ZNF519: variants seen among roughly 807,000 people sequenced by gnomAD.
ZNF519 encodes the protein zinc finger protein 519, also known as similar to Zinc finger protein 85 (Zinc finger protein HPF4) (HTF1).
ZNF519 carries 7 observed loss-of-function variants against 7.4 expected under a neutral mutation model. The observed-to-expected ratio is 0.94, with a 90% CI of 0.54 to 1.77. The LOEUF (loss-of-function observed/expected upper bound fraction) is 1.77. Ranked by LOEUF, ZNF519 falls within the 40% of genes most tolerant of loss-of-function variation. The pLI is 0.00. For missense variants in ZNF519, 586 were observed against 623.1 expected (o/e 0.94, Z 0.63); for synonymous variants, 179 against 203.3 (o/e 0.88, Z 1.02).
chr18:14,077,764 C>T (rs1216549483), intron 4 of ZNF519, among the ~76,000 whole-genome samples: 6 of 152,138 alleles, frequency 3.9e-5, no homozygotes, highest in African/African-American at 1.4e-4. Flanking sequence ...GTGTGTCTTA[C>T]TGGATTCTAT....
At chr18:14,085,035 C>A (rs1289353443) in exon 3 of ZNF519, 1 of 152,112 alleles carries the variant, frequency 6.6e-6, no homozygotes, top group African/African-American at 2.4e-5. Flanking sequence ...CCATCCCTGA[C>A]AATGTCCATA....
intron 2 of ZNF519, chr18:14,090,485 A>C (rs2046110015): frequency 6.6e-6 from 1 of 152,244 alleles, no homozygotes. Context: ...AGCTCATAGG[A>C]ATCACCCCAT....
chr18:14,090,377 AGTTTTCTTGG>A (rs1217305047), intron 2 of ZNF519: 1 of 152,218 alleles, frequency 6.6e-6, no homozygotes, highest in Non-Finnish European at 1.5e-5. Flanking sequence ...TGGAAGAATC[AGTTTTCTTGG>A]TTCAAGAAAT....
chr18:14,120,955 T>C (rs76791167), intron 2 of ZNF519, among the ~76,000 whole-genome samples: 6,006 of 152,088 alleles, frequency 0.039, 154 homozygotes, highest in East Asian at 0.13. Flanking sequence ...AGACAAAATA[T>C]GGTGTGTGTG....
rs1281993232 is a variant in ZNF519 at position 14,104,260 on chromosome 18, T to G, written c.*657A>C. The G allele has an allele frequency of 6.6e-6, 1 of 152,180 alleles. No individual in the cohort carries two copies. The highest frequency in any genetic ancestry group is 1.5e-5 in the Non-Finnish European group (1 of 68,020). The allele number at this position is 152,180 out of a possible 1,614,324, so 9.4% of individuals were successfully genotyped here. A position where few individuals can be genotyped will look rare whatever the true frequency, so the allele number is the denominator to read the frequency against. On this transcript the variant is annotated 3_prime_UTR_variant, in exon 3 of 3. Transcript: ENST00000590202. ...AACTATTCATATCTAAAACTCAGAG[T>G]GTTTCTGTCTCACACTTTAATGCAG... is the stretch of plus-strand genomic sequence containing the variant.
chr18:14,080,470 C>T (rs1272482325), intron 3 of ZNF519, among the ~76,000 whole-genome samples: 5 of 151,896 alleles, frequency 3.3e-5, no homozygotes, highest in South Asian at 2.1e-4. Flanking sequence ...TACAGGCACA[C>T]GCCACCATGC....
chr18:14,123,780 TATG>T (rs1188476549), intron 2 of ZNF519, among the ~76,000 whole-genome samples: 7 of 152,118 alleles, frequency 4.6e-5, no homozygotes, highest in Non-Finnish European at 1.0e-4. Context: ...AACAATATTT[TATG>T]TCATTCAATT....
rs750528094 is a variant in ZNF519 at position 14,105,427 on chromosome 18, G to C, written c.1113C>G (p.Thr371=). 9 of 1,597,490 alleles carry C rather than the reference G, an allele frequency of 5.6e-6. No individual in the cohort carries two copies. Among genetic ancestry groups the C allele is most frequent in the South Asian group, 3.3e-5 (3 of 89,970 alleles). ...SYLTQHQRIH[T]GEKPFRCKEC... ...CCTTACATCTGAAAGGTTTCTCTCC[G>C]GTATGGATTCTCTGGTGTTGAGTAA... is the stretch of plus-strand genomic sequence containing the variant. The change falls in exon 3 of 3, where the codon ACC becomes ACG. Residue 371 remains threonine (T), a synonymous_variant. Transcript: ENST00000590202.
At chr18:14,122,996 T>C (rs1002060992) in intron 2 of ZNF519, 1 of 147,086 alleles carries the variant, frequency 6.8e-6, no homozygotes, top group Non-Finnish European at 1.5e-5. Flanking sequence ...GTTCTCATTG[T>C]TCAATTCCCA....
At chr18:14,111,286 C>A (rs1234779842) in intron 2 of ZNF519, among the ~76,000 whole-genome samples, 2 of 150,658 alleles carry the variant, frequency 1.3e-5, no homozygotes, top group African/African-American at 2.4e-5. Context: ...AGGGGGATCA[C>A]CTGAAGTCAG....
chr18:14,097,711 A>G (rs1223210089), downstream of ZNF519, among the ~76,000 whole-genome samples: 2 of 152,208 alleles, frequency 1.3e-5, no homozygotes, highest in Non-Finnish European at 2.9e-5. Context: ...AGAAGTTTGT[A>G]AATAATGTGG....
Position 14,105,219 on chromosome 18 carries a change from A to T in ZNF519, c.1321T>A (p.Phe441Ile), listed in dbSNP as rs2046182792. Residue 441 changes from phenylalanine to isoleucine, a missense_variant, in exon 3 of 3, where the codon TTT (phenylalanine) becomes ATT (isoleucine). Coordinates refer to ENST00000590202, the MANE Select transcript of ZNF519 (RefSeq NM_145287.4). ...HFKCKECGKA[F>I]NRGSHLTRHQ... ...CGAGTAAGGTGTGAGCCCCTGTTAA[A>T]GGCTTTGCCACATTCTTTACATTTG... The T allele has an allele frequency of 6.4e-7, 1 of 1,571,436 alleles. No individual in the cohort carries two copies. The highest frequency in any genetic ancestry group is 8.7e-7 in the Non-Finnish European group (1 of 1,145,418).
At chr18:14,074,805 C>G (rs556142884), downstream of ZNF519, 3 of 152,438 alleles carry the variant, frequency 2.0e-5, no homozygotes, top group African/African-American at 4.8e-5. Flanking sequence ...GTATTCCAAC[C>G]TTTCCCTGTT....
chr18:14,126,870 C>T (rs2046301706), intron 1 of ZNF519, among the ~76,000 whole-genome samples: 1 of 152,202 alleles, frequency 6.6e-6, no homozygotes, highest in Non-Finnish European at 1.5e-5. Context: ...CCTCAAATGT[C>T]TCCAAAATTC....
In ZNF519 at chr18:14,101,391, A is replaced by T. The variant is rs1194885021; in HGVS notation, c.*3526T>A. 5 of 285,950 alleles carry T rather than the reference A, an allele frequency of 1.7e-5. No homozygotes were observed. The Admixed American group carries it at 2.6e-4, about 15-fold the overall frequency. The allele number at this position is 285,950 out of a possible 1,614,324, so 17.7% of individuals were successfully genotyped here. A position where few individuals can be genotyped will look rare whatever the true frequency, so the allele number is the denominator to read the frequency against. On this transcript the variant is annotated 3_prime_UTR_variant, in exon 3 of 3. Transcript: ENST00000590202. The stretch of plus-strand genomic sequence containing the variant: ...ACAATGAGCCCTAGCAAATGCAAAA[A>T]CACTCATGGTCATAACATGAAGTGA...
Position 14,105,746 on chromosome 18 carries a change from A to C in ZNF519, c.794T>G (p.Val265Gly). 6.2e-7 allele frequency: 1 copy of C among 1,613,768 alleles called. No homozygotes were observed. The highest frequency in any genetic ancestry group is 1.1e-5 in the South Asian group (1 of 91,042). ...AGCTTTGCCACGTTCTTTATATTTCACTGATTTTTCTCCAGTGTTAATTAT... is the reference window on the plus strand; with the variant it reads ...AGCTTTGCCACGTTCTTTATATTTCCCTGATTTTTCTCCAGTGTTAATTAT... ...HKIINTGEKS[V>G]KYKERGKAFT... is the part of the protein sequence containing the mutation. The change falls in exon 3 of 3, where the codon GTG (valine) becomes GGG (glycine). Residue 265 changes from valine to glycine, a missense_variant. By Grantham distance (109) the Val-to-Gly change is moderately radical. Transcript: ENST00000590202.
At chr18:14,117,611 T>C (rs2046251922) in intron 2 of ZNF519, among the ~76,000 whole-genome samples, 1 of 152,164 alleles carries the variant, frequency 6.6e-6, no homozygotes, top group Non-Finnish European at 1.5e-5. Context: ...TGAGACTGGG[T>C]ATTTTAAAAA....
rs1239873779 is a variant in ZNF519, at chr18:14,105,964, T to C, written c.576A>G (p.Gln192=). 1 of 1,601,478 alleles carries C rather than the reference T, an allele frequency of 6.2e-7. No homozygotes were observed. The change falls in exon 3 of 3, where the codon CAA becomes CAG. Residue 192 remains glutamine, a synonymous_variant. Coordinates refer to ENST00000590202, the MANE Select transcript of ZNF519 (RefSeq NM_145287.4). ...TTTCAGGGAAAATAAGCTTTGAGGA[T>C]TGGTAAAATACTTTTTCACATTCAT... The part of the protein sequence containing the change: ...NCNECEKVFY[Q]SSKLIFPENI...
chr18:14,107,141 C>T (rs2046197464), intron 2 of ZNF519, among the ~76,000 whole-genome samples: 1 of 152,142 alleles, frequency 6.6e-6, no homozygotes, highest in African/African-American at 2.4e-5. Context: ...AGAGTGCTTA[C>T]ACCACCCCTC....
Sources: gnomAD v4.1 joint callset for allele counts (sites outside exome capture counted in the v4.1 genomes callset) on GRCh38, gnomAD v4.1.1 for gene constraint, MANE v1.5 for transcripts, NCBI Gene and HGNC (gene_info 2026-07-23, HGNC 2026-07-21) for gene names.